The following ADGRV1 variants were observed in gnomAD, a reference collection of about 807,000 sequenced individuals.
ADGRV1 encodes adhesion G protein-coupled receptor V1.
ADGRV1 carries 359 observed loss-of-function variants against 596.2 expected under a neutral mutation model. That is an observed-to-expected ratio of 0.60 (90% CI 0.55 to 0.66). The LOEUF (loss-of-function observed/expected upper bound fraction) is 0.66, where lower values mean the gene tolerates loss of function less well. Among genes scored for constraint, ADGRV1 ranks in the 30% least tolerant of loss-of-function variants. The pLI is 0.00. For missense variants in ADGRV1, 7,274 were observed against 7,575.6 expected, an observed-to-expected ratio of 0.96 and a Z score of 1.48; for synonymous variants, 2,681 against 2,679.2, an observed-to-expected ratio of 1.00 and a Z score of -0.02.
intron 1 of ADGRV1, among the ~76,000 whole-genome samples, chr5:90,611,627 T>A (rs1414862072): frequency 6.6e-6 from 1 of 151,926 alleles, no homozygotes; most frequent in African/African-American, 2.4e-5. Context: ...ATTACGCACA[T>A]CATGATCTTA....
chr5:90,807,126 C>T (rs1342987732), intron 72 of ADGRV1, among the ~76,000 whole-genome samples: 1 of 152,212 alleles, frequency 6.6e-6, no homozygotes, highest in Non-Finnish European at 1.5e-5. Context: ...GTTGGGATTA[C>T]AGGCGTGAGC....
intron 52 of ADGRV1, among the ~76,000 whole-genome samples, chr5:90,746,120 G>A (rs1754599403): frequency 6.6e-6 from 1 of 151,810 alleles, no homozygotes; most frequent in South Asian, 2.1e-4. Context: ...CAGAGAGAAA[G>A]GATGAAATAG....
At chr5:91,148,478 G>C (rs959890775) in intron 87 of ADGRV1, among the ~76,000 whole-genome samples, 2 of 152,200 alleles carry the variant, frequency 1.3e-5, no homozygotes, top group Non-Finnish European at 1.5e-5. Context: ...GCTTCCACAT[G>C]GTGCTGGTCC....
chr5:90,816,602 C>G (rs1158206483), intron 75 of ADGRV1, among the ~76,000 whole-genome samples: 1 of 147,282 alleles, frequency 6.8e-6, no homozygotes, highest in East Asian at 2.0e-4. Context: ...TGATGTTCCC[C>G]TTCCTGTGTC....
rs766679496 is a variant in ADGRV1, at chr5:91,133,396, G to GC, written c.18433-16632dup. ...TCTGGCACTCTCCTGCTCCAGTAATGCCACCTCTAGTACTCACATCTCTGG... is the reference window on the plus strand; with the variant it reads ...TCTGGCACTCTCCTGCTCCAGTAATGCCCACCTCTAGTACTCACATCTCTGG... On this transcript the variant is annotated intron_variant, in intron 87 of 89. Transcript: ENST00000405460. Among the ~76,000 whole-genome samples the GC allele has an allele frequency of 2.0e-5, 3 of 152,314 alleles. No individual in the cohort carries two copies. In the South Asian group the frequency reaches 6.2e-4, roughly 32 times the overall value.
chr5:90,703,179 T>C (rs1477631348), intron 34 of ADGRV1, among the ~76,000 whole-genome samples: 1 of 152,064 alleles, frequency 6.6e-6, no homozygotes, highest in Non-Finnish European at 1.5e-5. Flanking sequence ...AAATCATTGA[T>C]GGTATATGTA....
At chr5:90,618,998 C>T in intron 3 of ADGRV1, 88 bp from the exon 4 acceptor site, 1 of 573,924 alleles carries the variant, frequency 1.7e-6, no homozygotes, top group Non-Finnish European at 2.9e-6. Flanking sequence ...TTCTGAATAA[C>T]TACTTGAAGA....
rs1165727183 is a variant in ADGRV1, at chr5:90,653,681, A to T, written c.4107A>T (p.Gly1369=). Residue 1369 remains glycine, a synonymous_variant, in exon 20 of 90, where the codon GGA becomes GGT. Transcript: ENST00000405460. Reference sequence around the variant, plus strand: ...TAATGCCCAATGCCAATACGAATGGATTCATTATAGCGAAGGATGACGGTA... The same window carrying T: ...TAATGCCCAATGCCAATACGAATGGTTTCATTATAGCGAAGGATGACGGTA... ...AWVMPNANTN[G]FIIAKDDGNG... 6.2e-7 allele frequency: 1 copy of T among 1,613,282 alleles called. No individual in the cohort carries two copies.
rs546430545 is a variant in ADGRV1, at chr5:91,087,119, C to T, written c.18310+14515C>T. Among the ~76,000 whole-genome samples the T allele has an allele frequency of 9.7e-4, 147 of 152,290 alleles. 1 individual carries two copies. The highest frequency in any genetic ancestry group is 3.4e-3 in the African/African-American group (141 of 41,562). ...CCATCTTCATGGCCCAGCCAAAATT[C>T]TTTCTTCTTTCCCCAAAGTTCCCTG... On this transcript the variant is annotated intron_variant, in intron 86 of 89. Transcript: ENST00000405460.
intron 50 of ADGRV1, among the ~76,000 whole-genome samples, chr5:90,731,845 G>A (rs1312888667): frequency 6.6e-6 from 1 of 152,160 alleles, no homozygotes; most frequent in Non-Finnish European, 1.5e-5. Context: ...TAAAATGACA[G>A]CAATATACTC....
At chr5:91,072,695 G>T (rs1788495899) in intron 86 of ADGRV1, 91 bp downstream of exon 86, 2 of 1,316,568 alleles carry the variant, frequency 1.5e-6, no homozygotes. Context: ...AAAGAGGGAA[G>T]TTCGGCTCAT....
At chr5:91,138,874 C>T (rs1476763009) in intron 87 of ADGRV1, among the ~76,000 whole-genome samples, 2 of 151,670 alleles carry the variant, frequency 1.3e-5, no homozygotes, top group African/African-American at 4.8e-5. Context: ...TGGGTTCAAG[C>T]AATTCTTGTG....
intron 67 of ADGRV1, among the ~76,000 whole-genome samples, chr5:90,787,079 G>A (rs1006999833): frequency 9.2e-5 from 14 of 152,134 alleles, no homozygotes; most frequent in African/African-American, 3.1e-4. Context: ...AGTAAAGGAG[G>A]AGGAAAACTA....
At chr5:90,705,304 T>G in intron 36 of ADGRV1, 96 bp from the exon 37 acceptor site, 1 of 1,019,704 alleles carries the variant, frequency 9.8e-7, no homozygotes, top group Non-Finnish European at 1.4e-6. Flanking sequence ...AATAGAACAC[T>G]TTTGATTACC....
intron 77 of ADGRV1, among the ~76,000 whole-genome samples, chr5:90,831,278 T>TAC (rs899803255): frequency 1.3e-5 from 2 of 148,888 alleles, no homozygotes; most frequent in Admixed American, 1.3e-4. Flanking sequence ...TATACATATA[T>TAC]ATACACACAC....
chr5:90,968,871 A>C (rs764474230), intron 84 of ADGRV1, among the ~76,000 whole-genome samples: 1 of 152,176 alleles, frequency 6.6e-6, no homozygotes, highest in Non-Finnish European at 1.5e-5. Context: ...ATGATACTAC[A>C]TATGTCTGTG....
intron 21 of ADGRV1, among the ~76,000 whole-genome samples, chr5:90,672,180 T>G (rs772117871): frequency 1.8e-4 from 28 of 152,244 alleles, no homozygotes; most frequent in Non-Finnish European, 3.1e-4. Context: ...AAGTTTGTCT[T>G]TCTCTTTAGA....
chr5:90,978,260 A>T (rs1379705565), intron 84 of ADGRV1, among the ~76,000 whole-genome samples: 1 of 151,902 alleles, frequency 6.6e-6, no homozygotes, highest in East Asian at 1.9e-4. Context: ...GCGCCACTAC[A>T]CTCCAGACTG....
chr5:91,160,445 C>T (rs768589038), intron 89 of ADGRV1, among the ~76,000 whole-genome samples: 7 of 152,328 alleles, frequency 4.6e-5, no homozygotes, highest in Non-Finnish European at 7.4e-5. Context: ...TAGCACCTCT[C>T]ATCCTCACTC....
Sources: gnomAD v4.1 joint callset for allele counts (sites outside exome capture counted in the v4.1 genomes callset) on GRCh38, gnomAD v4.1.1 for gene constraint, MANE v1.5 for transcripts, NCBI Gene and HGNC (gene_info 2026-07-23, HGNC 2026-07-21) for gene names.